ARFGEF3: variants seen among roughly 807,000 people sequenced by gnomAD.
ARFGEF3 encodes the protein brefeldin A-inhibited guanine nucleotide-exchange protein 3.
A neutral mutation model predicts 221.7 loss-of-function variants in ARFGEF3; 96 were observed. That is an observed-to-expected ratio of 0.43 (90% confidence interval 0.37 to 0.51). The LOEUF (loss-of-function observed/expected upper bound fraction) is 0.51. ARFGEF3 is among the 20% of genes least tolerant of loss of function. The pLI is 0.00. For missense variants in ARFGEF3, 2,410 were observed against 2,789.9 expected, an observed-to-expected ratio of 0.86 and a Z score of 3.07; for synonymous variants, 1,145 against 1,126.8, an observed-to-expected ratio of 1.02 and a Z score of -0.32.
rs371453980 is a variant in ARFGEF3 at position 138,282,529 on chromosome 6, G to A, written c.2461+2365G>A. On this transcript the variant is annotated intron_variant, in intron 14 of 33. Coordinates refer to ENST00000251691, the MANE Select transcript of ARFGEF3 (RefSeq NM_020340.5). ...GGTGGAACCCAGCCATGTAGAATTC[G>A]GGGCGAGGCACTATTTAGGAATCAG... Among the ~76,000 whole-genome samples, 26 of 152,284 alleles carry A rather than the reference G, an allele frequency of 1.7e-4. 1 individual carries two copies. Among genetic ancestry groups the A allele is most frequent in the East Asian group, 5.8e-4 (3 of 5,168 alleles).
At chr6:138,268,592 T>A (rs1458118030) in intron 12 of ARFGEF3, among the ~76,000 whole-genome samples, 3 of 152,238 alleles carry the variant, frequency 2.0e-5, no homozygotes, top group Non-Finnish European at 2.9e-5. Flanking sequence ...AAAGTACGTT[T>A]TTTATAAAGA....
Position 138,301,865 on chromosome 6 carries a change from A to T in ARFGEF3, c.3828+3080A>T, listed in dbSNP as rs1337265451. ...ACTACTAAGCTATGCAGACATGAGG[A>T]TGAACACTAGGGAGTCAGGCTAAAA... On this transcript the variant is annotated intron_variant, in intron 22 of 33. Coordinates refer to ENST00000251691, the MANE Select transcript of ARFGEF3 (RefSeq NM_020340.5). Among the ~76,000 whole-genome samples the T allele has an allele frequency of 2.6e-4, 39 of 152,174 alleles. 1 individual carries two copies. Among genetic ancestry groups the T allele is most frequent in the Admixed American group, 2.5e-3 (38 of 15,274 alleles).
chr6:138,226,908 C>T (rs776190414), intron 4 of ARFGEF3, among the ~76,000 whole-genome samples: 11 of 152,192 alleles, frequency 7.2e-5, no homozygotes, highest in Non-Finnish European at 1.3e-4. Flanking sequence ...CCCAGGAGGG[C>T]ATGGACACCA....
In ARFGEF3 at chr6:138,334,780, C is replaced by A; in HGVS notation, c.5934C>A (p.Ser1978Arg). 1 of 1,608,964 alleles carries A rather than the reference C, an allele frequency of 6.2e-7. No individual in the cohort carries two copies. The highest frequency in any genetic ancestry group is 8.5e-7 in the Non-Finnish European group (1 of 1,177,708). Residue 1978 changes from serine to arginine, a missense_variant, in exon 33 of 34, where the codon AGC (serine) becomes AGA (arginine). Physicochemically the swap from Ser to Arg is moderately radical, Grantham distance 110 (BLOSUM62 -1). Coordinates refer to ENST00000251691, the MANE Select transcript of ARFGEF3 (RefSeq NM_020340.5). This position sits in a 1 kb window ranked among gnomAD's most constrained non-coding sequence, Gnocchi z 5.1. ...QSREHMGESL[S>R]LKAGGGDLLL... ...GGGAGCACATGGGCGAGTCCCTGAG[C>A]CTGAAGGCCGGTGGTGGGGACCTGC...
intron 4 of ARFGEF3, among the ~76,000 whole-genome samples, chr6:138,213,399 C>T (rs538825994): frequency 3.3e-5 from 5 of 150,558 alleles, no homozygotes; most frequent in South Asian, 2.1e-4. Flanking sequence ...CAGATGTTGC[C>T]GTGAGCCGAG....
At chr6:138,225,689 A>G (rs1310331535) in intron 4 of ARFGEF3, among the ~76,000 whole-genome samples, 1 of 152,224 alleles carries the variant, frequency 6.6e-6, no homozygotes, top group Non-Finnish European at 1.5e-5. Context: ...AAGAAAGTGG[A>G]GCTGGATCAG....
chr6:138,169,407 C>T (rs577296043), intron 1 of ARFGEF3, among the ~76,000 whole-genome samples: 1 of 152,310 alleles, frequency 6.6e-6, no homozygotes, highest in Admixed American at 6.5e-5. Flanking sequence ...TTCTAGCTTG[C>T]TCTTAGCCTT....
chr6:138,248,570 T>C (rs1431560455), intron 8 of ARFGEF3, among the ~76,000 whole-genome samples: 1 of 152,188 alleles, frequency 6.6e-6, no homozygotes, highest in Non-Finnish European at 1.5e-5. Flanking sequence ...TGGGAGAGGC[T>C]CATGGTAGTT....
Position 138,339,054 on chromosome 6 carries a change from A to G in ARFGEF3, c.*2568A>G, listed in dbSNP as rs1242204543. On this transcript the variant is annotated 3_prime_UTR_variant, in exon 34 of 34. Coordinates refer to ENST00000251691, the MANE Select transcript of ARFGEF3 (RefSeq NM_020340.5). ...TTGGTACCTTCCCATTGTCTTCTCT[A>G]TAACTCAGTCCTAACATACTCTGCA... 3 of 152,200 alleles carry G rather than the reference A, an allele frequency of 2.0e-5. No individual in the cohort carries two copies. Among genetic ancestry groups the G allele is most frequent in the African/African-American group, 4.8e-5 (2 of 41,422 alleles). 9.4% of individuals were successfully genotyped at this position (152,200 alleles called of 1,614,324 possible). A position where few individuals can be genotyped will look rare whatever the true frequency, so the allele number is the denominator to read the frequency against.
At position 138,238,774 on chromosome 6, in the gene ARFGEF3, C is replaced by A. The variant is rs745350650; in HGVS notation, c.543+143C>A. On this transcript the variant is annotated intron_variant, in intron 6 of 33. Transcript: ENST00000251691. ...TGTTTTAACAGAACATTTATTTGTA[C>A]ACATTAAGCTCTTTAGATGTTTGCC... 54 of 692,980 alleles carry A rather than the reference C, an allele frequency of 7.8e-5. No homozygotes were observed. In the Middle Eastern group the frequency reaches 1.3e-3, roughly 16 times the overall value. The allele number at this position is 692,980 out of a possible 1,614,324, so 42.9% of individuals were successfully genotyped here.
At chr6:138,310,625 A>G (rs765747819) in intron 24 of ARFGEF3, among the ~76,000 whole-genome samples, 4 of 152,200 alleles carry the variant, frequency 2.6e-5, no homozygotes, top group Non-Finnish European at 4.4e-5. Flanking sequence ...AGGTCTGTTT[A>G]CTCACATGGG....
At chr6:138,171,664 A>G (rs887000545) in intron 2 of ARFGEF3, among the ~76,000 whole-genome samples, 19 of 152,254 alleles carry the variant, frequency 1.2e-4, no homozygotes, top group Non-Finnish European at 2.4e-4. Context: ...AAGGATAACC[A>G]CTGATAACAG....
chr6:138,335,806 A>T lies in ARFGEF3; in HGVS notation c.6343-489A>T, dbSNP rs575995021. ...GTAGTTATGAAGCATTATATAAAAG[A>T]AAAAAGCAAAGTAAATATTGTGTGG... is the stretch of plus-strand genomic sequence containing the variant. On this transcript the variant is annotated intron_variant, in intron 33 of 33. Transcript: ENST00000251691. Among the ~76,000 whole-genome samples the T allele has an allele frequency of 2.6e-5, 4 of 152,224 alleles. No homozygotes were observed. The South Asian group carries it at 8.3e-4, about 32-fold the overall frequency.
In ARFGEF3 at chr6:138,162,287, T is replaced by TGCGAGAGTC. The variant is rs1562338658; in HGVS notation, c.85+119_85+127dup. On this transcript the variant is annotated intron_variant, in intron 1 of 33. Coordinates refer to ENST00000251691, the MANE Select transcript of ARFGEF3 (RefSeq NM_020340.5). This position sits in a 1 kb window ranked among gnomAD's most constrained non-coding sequence, Gnocchi z 4.7. ...CGGTCATGGGTGCCGTTCTGGCGAT[T>TGCGAGAGTC]GCGAGAGTCGCCTCGGGAAATTGAT... 6 of 636,638 alleles carry TGCGAGAGTC rather than the reference T, an allele frequency of 9.4e-6. No homozygotes were observed. Among genetic ancestry groups the TGCGAGAGTC allele is most frequent in the Non-Finnish European group, 1.5e-5 (6 of 388,704 alleles). 39.4% of individuals were successfully genotyped at this position (636,638 alleles called of 1,614,324 possible).
intron 31 of ARFGEF3, 23 bp from the exon 32 acceptor site, chr6:138,327,998 T>G: frequency 6.5e-7 from 1 of 1,549,144 alleles, no homozygotes; most frequent in Non-Finnish European, 8.7e-7. Context: ...AGTTCTGAAA[T>G]GTACCTTTGC....
At chr6:138,216,536 A>G (rs980002183) in intron 4 of ARFGEF3, 3 of 152,220 alleles carry the variant, frequency 2.0e-5, no homozygotes, top group African/African-American at 7.2e-5. Flanking sequence ...TTTTAATGGC[A>G]GAGTCTTACA....
chr6:138,254,551 G>C (rs1245488090), intron 9 of ARFGEF3, among the ~76,000 whole-genome samples: 1 of 151,976 alleles, frequency 6.6e-6, no homozygotes, highest in African/African-American at 2.4e-5. Flanking sequence ...CCAACACAGT[G>C]AAACCCTGTC....
At chr6:138,270,804 C>T (rs1242893449) in intron 12 of ARFGEF3, among the ~76,000 whole-genome samples, 1 of 152,010 alleles carries the variant, frequency 6.6e-6, no homozygotes, top group Non-Finnish European at 1.5e-5. Context: ...ACTGTAGGAG[C>T]CTATGGGTGG....
intron 1 of ARFGEF3, among the ~76,000 whole-genome samples, chr6:138,166,661 G>C (rs1776729479): frequency 6.6e-6 from 1 of 152,198 alleles, no homozygotes; most frequent in African/African-American, 2.4e-5. Flanking sequence ...GGCAGTCCTG[G>C]GGGCTTGCAA....
Sources: gnomAD v4.1 joint callset for allele counts (sites outside exome capture counted in the v4.1 genomes callset) on GRCh38, gnomAD v4.1.1 for gene constraint, Gnocchi (gnomAD v3.1) non-coding constraint, MANE v1.5 for transcripts, NCBI Gene and HGNC (gene_info 2026-07-23, HGNC 2026-07-21) for gene names.